The following CDK14 variants were observed in gnomAD, a reference collection of about 807,000 sequenced individuals.
CDK14 encodes cyclin-dependent kinase 14.
A neutral mutation model predicts 60.7 loss-of-function variants in CDK14; 34 were observed. The observed-to-expected ratio is 0.56, with a 90% confidence interval of 0.43 to 0.75. The LOEUF (loss-of-function observed/expected upper bound fraction) is 0.75. CDK14 is among the 30% of genes least tolerant of loss of function. The pLI, the probability that CDK14 is intolerant of heterozygous loss-of-function variation, is 0.00. For missense variants in CDK14, 482 were observed against 564.1 expected (o/e 0.85, Z 1.47); for synonymous variants, 197 against 203.7 (o/e 0.97, Z 0.28).
chr7:90,703,814 G>A (rs532857879), intron 2 of CDK14, among the ~76,000 whole-genome samples: 66 of 152,310 alleles, frequency 4.3e-4, no homozygotes, highest in African/African-American at 1.4e-3. Flanking sequence ...AGCCAGCAGC[G>A]GTGGTGCACA....
chr7:90,627,369 C>T (rs888746415), intron 2 of CDK14, among the ~76,000 whole-genome samples: 4 of 152,080 alleles, frequency 2.6e-5, no homozygotes, highest in African/African-American at 9.7e-5. Context: ...GCCACCACAC[C>T]TGGCTAAGTT....
intron 6 of CDK14, among the ~76,000 whole-genome samples, chr7:90,881,083 G>A (rs1233536760): frequency 2.0e-5 from 3 of 152,166 alleles, no homozygotes; most frequent in Non-Finnish European, 2.9e-5. Context: ...GAACTGGGTG[G>A]GGGAGCAAAT....
At chr7:91,021,970 C>A (rs1796443941) in intron 10 of CDK14, among the ~76,000 whole-genome samples, 1 of 152,148 alleles carries the variant, frequency 6.6e-6, no homozygotes, top group Non-Finnish European at 1.5e-5. Flanking sequence ...GACAGTTCAG[C>A]CCCTAAATGC....
intron 10 of CDK14, among the ~76,000 whole-genome samples, chr7:91,038,278 A>C (rs1176698546): frequency 6.6e-6 from 1 of 152,250 alleles, no homozygotes; most frequent in African/African-American, 2.4e-5. Context: ...TGTCATTTAC[A>C]AGGATCCTTC....
At chr7:90,676,192 A>G (rs1340825468) in intron 2 of CDK14, among the ~76,000 whole-genome samples, 2 of 152,196 alleles carry the variant, frequency 1.3e-5, no homozygotes, top group African/African-American at 4.8e-5. Flanking sequence ...TTTAGTCTAA[A>G]TAGTATGTTA....
chr7:90,807,607 C>T (rs923283295), intron 5 of CDK14, among the ~76,000 whole-genome samples: 1 of 152,216 alleles, frequency 6.6e-6, no homozygotes, highest in Admixed American at 6.5e-5. Flanking sequence ...CGGAACAAAG[C>T]TGGACAGAGA....
chr7:90,779,967 C>G (rs1244181600), intron 4 of CDK14, among the ~76,000 whole-genome samples: 1 of 152,042 alleles, frequency 6.6e-6, no homozygotes, highest in Non-Finnish European at 1.5e-5. Context: ...CTTTTTTCCC[C>G]TTGAAGTTGA....
intron 8 of CDK14, among the ~76,000 whole-genome samples, chr7:90,932,625 A>G (rs780684071): frequency 1.3e-5 from 2 of 152,246 alleles, no homozygotes; most frequent in African/African-American, 2.4e-5. Context: ...ATGTTGGTAT[A>G]TTAGCTGTCT....
intron 11 of CDK14, among the ~76,000 whole-genome samples, chr7:91,054,472 T>C (rs966210642): frequency 6.6e-6 from 1 of 152,140 alleles, no homozygotes; most frequent in Non-Finnish European, 1.5e-5. Context: ...AGCCAGTTAA[T>C]TACTAAATTT....
intron 2 of CDK14, among the ~76,000 whole-genome samples, chr7:90,644,074 A>T (rs571715137): frequency 6.6e-6 from 1 of 152,304 alleles, no homozygotes; most frequent in East Asian, 1.9e-4. Flanking sequence ...TATGTTGAAG[A>T]GATAACAGAG....
intron 11 of CDK14, among the ~76,000 whole-genome samples, chr7:91,047,728 G>C (rs1340241982): frequency 6.6e-6 from 1 of 152,184 alleles, no homozygotes; most frequent in Non-Finnish European, 1.5e-5. Context: ...GAGCAAGATG[G>C]TTATTCCAGG....
intron 2 of CDK14, among the ~76,000 whole-genome samples, chr7:90,615,491 G>T (rs1042081101): frequency 1.3e-5 from 2 of 152,176 alleles, no homozygotes; most frequent in African/African-American, 4.8e-5. Context: ...ATAACTCTGT[G>T]TTCTGATCAG....
chr7:90,778,991 G>A (rs930769376), intron 4 of CDK14, among the ~76,000 whole-genome samples: 1 of 150,866 alleles, frequency 6.6e-6, no homozygotes, highest in Admixed American at 6.6e-5. Context: ...GGTGGCTCAC[G>A]TCTGTAATCC....
intron 14 of CDK14, among the ~76,000 whole-genome samples, chr7:91,148,148 G>A (rs1365464158): frequency 6.6e-6 from 1 of 152,118 alleles, no homozygotes; most frequent in East Asian, 1.9e-4. Context: ...GATAAGGCAG[G>A]AGGATCACAC....
Position 91,116,137 on chromosome 7 carries a change from A to G in CDK14, c.1295-1928A>G, listed in dbSNP as rs146134090. Among the ~76,000 whole-genome samples the G allele has an allele frequency of 1.4e-4, 22 of 152,342 alleles. No homozygotes were observed. The East Asian group carries it at 2.7e-3, about 19-fold the overall frequency. ...GAAATTCATTACTTTTCCCAAATAC[A>G]CCACAGGGCATTCTCCTGCATATAC... On this transcript the variant is annotated intron_variant, in intron 13 of 14. Coordinates refer to ENST00000380050, the MANE Select transcript of CDK14 (RefSeq NM_001287135.2).
chr7:90,976,113 A>G (rs1411616003), intron 9 of CDK14, among the ~76,000 whole-genome samples: 5 of 152,166 alleles, frequency 3.3e-5, no homozygotes, highest in South Asian at 2.1e-4. Context: ...AGAAACCTCC[A>G]TACTGTTCTC....
At chr7:90,979,830 T>C (rs1230504487) in intron 9 of CDK14, 2 of 152,212 alleles carry the variant, frequency 1.3e-5, no homozygotes, top group Non-Finnish European at 2.9e-5. Flanking sequence ...TGTCAGATAA[T>C]GATAAATGTC....
intron 5 of CDK14, among the ~76,000 whole-genome samples, chr7:90,799,589 C>G (rs1364425344): frequency 6.9e-6 from 1 of 145,824 alleles, no homozygotes; most frequent in African/African-American, 2.5e-5. Context: ...ACTAGGGAGG[C>G]TGAGGCAGGA....
At chr7:90,944,470 C>T (rs567279580) in intron 8 of CDK14, among the ~76,000 whole-genome samples, 5 of 152,356 alleles carry the variant, frequency 3.3e-5, no homozygotes, top group Admixed American at 2.0e-4. Flanking sequence ...CAGTGCCCCA[C>T]GCCTGTAATC....
Sources: allele counts gnomAD v4.1 joint callset (sites outside exome capture counted in the v4.1 genomes callset), GRCh38; gene constraint gnomAD v4.1.1; transcripts MANE v1.5; gene names NCBI Gene and HGNC (gene_info 2026-07-23, HGNC 2026-07-21).